The following ZMYM2 variants were observed in gnomAD, a reference collection of about 807,000 sequenced individuals.
The protein encoded by ZMYM2 is zinc finger MYM-type protein 2.
In ZMYM2, 56 loss-of-function variants were observed where a neutral mutation model predicts 162.8. The ratio of observed to expected loss-of-function variants is 0.34; its 90% CI spans 0.28 to 0.43. ZMYM2 has a LOEUF of 0.43. Among genes scored for constraint, ZMYM2 ranks in the 20% least tolerant of loss-of-function variants. The probability of loss-of-function intolerance (pLI) is 1.00; values close to 1 mark genes in which losing one functional copy is unlikely to be tolerated. For synonymous variants in ZMYM2, 510 were observed against 541.6 expected, an observed-to-expected ratio of 0.94 and a Z score of 0.81; for missense variants, 1,275 against 1,621.8, an observed-to-expected ratio of 0.79 and a Z score of 3.67.
At chr13:19,922,482 C>T in the ZMYM2 span, among the ~76,000 whole-genome samples, 1 of 152,188 alleles carries the variant, frequency 6.6e-6, no homozygotes, top group Non-Finnish European at 1.5e-5. Context: ...TAACGTCTCT[C>T]TGGGATTCAC....
At chr13:19,967,041 T>G (rs1955852209) in intron 2 of ZMYM2, among the ~76,000 whole-genome samples, 1 of 152,170 alleles carries the variant, frequency 6.6e-6, no homozygotes, top group South Asian at 2.1e-4. Flanking sequence ...CTTCTGTTAT[T>G]TCATGTTTTC....
At chr13:19,930,600 C>T in the ZMYM2 span, among the ~76,000 whole-genome samples, 104 of 150,448 alleles carry the variant, frequency 6.9e-4, no homozygotes, top group Middle Eastern at 3.4e-3. Context: ...TGCAGTGGCG[C>T]GATCTTGGCT....
chr13:20,005,115 A>C lies in ZMYM2; in HGVS notation c.1175A>C (p.Asp392Ala). ...TMKGTIVAQV[D>A]SSESFQEFCS... ...AAAGGAACCATTGTTGCTCAAGTGG[A>C]TTCAAGTGAGTCCTTCCAGGAATTC... is the stretch of plus-strand genomic sequence containing the variant. Residue 392 changes from aspartate to alanine, a missense_variant, in exon 5 of 25, where the codon GAT becomes GCT. Asp to Ala is a moderately radical substitution (Grantham distance 126). Transcript: ENST00000610343. 1 of 1,607,786 alleles carries C rather than the reference A, an allele frequency of 6.2e-7. No homozygotes were observed. The highest frequency in any genetic ancestry group is 8.5e-7 in the Non-Finnish European group (1 of 1,177,986).
At chr13:20,004,978 C>A in intron 4 of ZMYM2, 96 bp from the exon 5 acceptor site, 1 of 856,602 alleles carries the variant, frequency 1.2e-6, no homozygotes, top group Non-Finnish European at 1.7e-6. Flanking sequence ...GTTTGATTTG[C>A]AGGACTTAGT....
At chr13:20,038,511 C>T (rs543167700) in intron 12 of ZMYM2, among the ~76,000 whole-genome samples, 4 of 152,216 alleles carry the variant, frequency 2.6e-5, no homozygotes, top group Admixed American at 6.5e-5. Context: ...ATCCCAGCAC[C>T]GTTGATTGAA....
chr13:19,916,090 T>A, the ZMYM2 span, among the ~76,000 whole-genome samples: 2 of 151,974 alleles, frequency 1.3e-5, no homozygotes, highest in Non-Finnish European at 2.9e-5. Context: ...CTCTATCTCC[T>A]GACCTCATGA....
chr13:19,916,712 G>A, the ZMYM2 span, among the ~76,000 whole-genome samples: 2 of 151,542 alleles, frequency 1.3e-5, no homozygotes, highest in Non-Finnish European at 2.9e-5. Flanking sequence ...GGGCTTGTCG[G>A]GGGGTGGGGG....
chr13:20,070,335 C>T (rs1956991079), intron 21 of ZMYM2: 1 of 220,068 alleles, frequency 4.5e-6, no homozygotes, highest in Non-Finnish European at 1.0e-5. Flanking sequence ...TCTTTCTTAA[C>T]ATTTTTTTTT....
At chr13:19,975,489 T>C (rs572731080) in intron 2 of ZMYM2, among the ~76,000 whole-genome samples, 1 of 152,358 alleles carries the variant, frequency 6.6e-6, no homozygotes, top group African/African-American at 2.4e-5. Context: ...TGTTGTAGTA[T>C]GTATCAGAGT....
the ZMYM2 span, among the ~76,000 whole-genome samples, chr13:19,903,728 G>A: frequency 6.6e-6 from 1 of 151,254 alleles, no homozygotes; most frequent in Non-Finnish European, 1.5e-5. Context: ...TGCTCCTGTG[G>A]TTCCCAGCTA....
chr13:19,897,683 A>C, the ZMYM2 span, among the ~76,000 whole-genome samples: 1 of 152,074 alleles, frequency 6.6e-6, no homozygotes, highest in Non-Finnish European at 1.5e-5. Context: ...TTAAGTCAAA[A>C]ACTGTTACAA....
intron 23 of ZMYM2, 140 bp downstream of exon 23, chr13:20,083,172 C>G (rs9509030): frequency 0.8 from 655,989 of 817,348 alleles, 273,623 homozygotes; most frequent in Non-Finnish European, 0.86. Flanking sequence ...AAGCAATTCT[C>G]CTCCCTCAGC....
chr13:19,926,568 C>T, the ZMYM2 span, among the ~76,000 whole-genome samples: 596 of 148,386 alleles, frequency 4.0e-3, 4 homozygotes, highest in Middle Eastern at 0.026. Flanking sequence ...TTCTCCATGT[C>T]GGCCAGGCTG....
At chr13:19,951,410 C>A in the ZMYM2 span, among the ~76,000 whole-genome samples, 4 of 150,908 alleles carry the variant, frequency 2.7e-5, no homozygotes, top group Non-Finnish European at 4.4e-5. Flanking sequence ...GGCAAACGGG[C>A]CAGATGCGGT....
At position 19,971,136 on chromosome 13, in the gene ZMYM2, A is replaced by G. The variant is rs1461078281; in HGVS notation, c.-11+11110A>G. On this transcript the variant is annotated intron_variant, in intron 2 of 24. Coordinates refer to ENST00000610343, the MANE Select transcript of ZMYM2 (RefSeq NM_197968.4). ...GCAGACGGAAATATTACATACAGGT[A>G]AGGGGAAGAATTGTAGGCTTTCTCC... 5.3e-5 allele frequency among the ~76,000 whole-genome samples: 8 copies of G among 151,532 alleles called. No individual in the cohort carries two copies. The South Asian group carries it at 1.7e-3, about 32-fold the overall frequency.
At chr13:19,929,506 G>C in the ZMYM2 span, among the ~76,000 whole-genome samples, 1 of 152,226 alleles carries the variant, frequency 6.6e-6, no homozygotes, top group East Asian at 1.9e-4. Context: ...CCAAAGTGCC[G>C]GGATTACATG....
chr13:19,909,379 G>C, the ZMYM2 span, among the ~76,000 whole-genome samples: 1 of 150,332 alleles, frequency 6.7e-6, no homozygotes, highest in East Asian at 1.9e-4. Flanking sequence ...CCTTCTGGCT[G>C]TTGTCTGGTT....
At chr13:19,924,024 C>A in the ZMYM2 span, among the ~76,000 whole-genome samples, 15 of 151,956 alleles carry the variant, frequency 9.9e-5, no homozygotes, top group Admixed American at 9.9e-4. Flanking sequence ...GACCATGGGA[C>A]CTTAATCATC....
At chr13:19,937,546 C>T in the ZMYM2 span, among the ~76,000 whole-genome samples, 1 of 149,504 alleles carries the variant, frequency 6.7e-6, no homozygotes, top group African/African-American at 2.5e-5. Context: ...TCACTGCAAC[C>T]TCCACCTCCT....
Sources: gnomAD v4.1 joint callset for allele counts (sites outside exome capture counted in the v4.1 genomes callset) on GRCh38, gnomAD v4.1.1 for gene constraint, MANE v1.5 for transcripts, NCBI Gene and HGNC (gene_info 2026-07-23, HGNC 2026-07-21) for gene names.